Variants in QTMAN observed in about 807,000 individuals in gnomAD.
The protein encoded by QTMAN is tRNA-queuosine alpha-mannosyltransferase.
the QTMAN span, among the ~76,000 whole-genome samples, chr2:143,984,997 T>C: frequency 6.6e-6 from 1 of 152,242 alleles, no homozygotes; most frequent in Non-Finnish European, 1.5e-5. Flanking sequence ...CCTGACTCTC[T>C]ATTGAGCTGG....
the QTMAN span, among the ~76,000 whole-genome samples, chr2:144,261,010 A>G: frequency 6.6e-6 from 1 of 152,310 alleles, no homozygotes; most frequent in Middle Eastern, 3.4e-3. Flanking sequence ...AAAAGGAACC[A>G]TACTTCCCAT....
the QTMAN span, among the ~76,000 whole-genome samples, chr2:144,294,058 T>A: frequency 8.6e-3 from 1,305 of 152,326 alleles, 8 homozygotes; most frequent in Non-Finnish European, 0.013. Flanking sequence ...TCCAAAACCC[T>A]CTGGAAATCT....
chr2:144,106,574 C>T, the QTMAN span, among the ~76,000 whole-genome samples: 1 of 152,170 alleles, frequency 6.6e-6, no homozygotes, highest in Admixed American at 6.5e-5. Context: ...AACATATATG[C>T]ACCCAATACA....
chr2:144,135,791 A>C, the QTMAN span, among the ~76,000 whole-genome samples: 29 of 152,170 alleles, frequency 1.9e-4, no homozygotes, highest in African/African-American at 6.5e-4. Context: ...AAACAGTATT[A>C]AAAAGTATCT....
At chr2:144,303,055 T>C in the QTMAN span, among the ~76,000 whole-genome samples, 1 of 152,062 alleles carries the variant, frequency 6.6e-6, no homozygotes, top group Non-Finnish European at 1.5e-5. Flanking sequence ...TGAGCAGAGA[T>C]CGCACCATTG....
the QTMAN span, among the ~76,000 whole-genome samples, chr2:144,174,796 T>A: frequency 1.3e-5 from 2 of 152,208 alleles, no homozygotes; most frequent in East Asian, 3.8e-4. Context: ...CCTTCCGTCA[T>A]GATTATGTGG....
At chr2:144,297,945 T>C in the QTMAN span, among the ~76,000 whole-genome samples, 1 of 152,010 alleles carries the variant, frequency 6.6e-6, no homozygotes, top group South Asian at 2.1e-4. Flanking sequence ...ATATAGACTG[T>C]ATAGTATACA....
the QTMAN span, among the ~76,000 whole-genome samples, chr2:144,063,912 T>G: frequency 5.3e-5 from 8 of 152,182 alleles, no homozygotes; most frequent in Admixed American, 5.2e-4. Flanking sequence ...ACAGGCCAAG[T>G]GTCATTATTG....
the QTMAN span, among the ~76,000 whole-genome samples, chr2:144,283,921 A>G: frequency 3.0e-4 from 46 of 152,256 alleles, no homozygotes; most frequent in Admixed American, 2.0e-3. Flanking sequence ...ATACTGGGTG[A>G]TGAAATTTCT....
the QTMAN span, among the ~76,000 whole-genome samples, chr2:144,054,173 G>C: frequency 6.6e-6 from 1 of 152,032 alleles, no homozygotes; most frequent in Non-Finnish European, 1.5e-5. Context: ...GGGCGACAGA[G>C]TGAGACTCTG....
At chr2:144,292,474 C>T in the QTMAN span, among the ~76,000 whole-genome samples, 1 of 151,982 alleles carries the variant, frequency 6.6e-6, no homozygotes, top group African/African-American at 2.4e-5. Flanking sequence ...TCTCTTACAC[C>T]ATTTATTCAA....
At chr2:144,240,433 T>G in the QTMAN span, among the ~76,000 whole-genome samples, 1 of 152,204 alleles carries the variant, frequency 6.6e-6, no homozygotes, top group Admixed American at 6.5e-5. Context: ...ACTTATACAC[T>G]TCTGGGTGCA....
At chr2:144,293,062 T>A in the QTMAN span, among the ~76,000 whole-genome samples, 14 of 152,262 alleles carry the variant, frequency 9.2e-5, no homozygotes, top group South Asian at 2.7e-3. Flanking sequence ...TCTTAAATAG[T>A]AAACAGGAGA....
At chr2:144,198,968 A>G in the QTMAN span, among the ~76,000 whole-genome samples, 26 of 151,114 alleles carry the variant, frequency 1.7e-4, no homozygotes, top group Middle Eastern at 3.5e-3. Flanking sequence ...TTTCATCTCT[A>G]TTTACCAAAA....
the QTMAN span, among the ~76,000 whole-genome samples, chr2:144,155,439 T>C: frequency 6.6e-6 from 1 of 152,204 alleles, no homozygotes; most frequent in African/African-American, 2.4e-5. Flanking sequence ...ATATAATTAG[T>C]ATGTGAAATA....
At chr2:144,141,889 C>T in the QTMAN span, 1 of 1,609,528 alleles carries the variant, frequency 6.2e-7, no homozygotes, top group Non-Finnish European at 8.5e-7. Flanking sequence ...GACCTGCTCA[C>T]ATCAGGAAAC....
chr2:144,221,434 A>G, the QTMAN span, among the ~76,000 whole-genome samples: 1,338 of 152,346 alleles, frequency 8.8e-3, 14 homozygotes, highest in African/African-American at 0.03. Context: ...ACACTATTGC[A>G]TGACTGCATG....
the QTMAN span, among the ~76,000 whole-genome samples, chr2:144,060,994 T>TC: frequency 6.7e-6 from 1 of 149,674 alleles, no homozygotes; most frequent in Admixed American, 6.7e-5. Flanking sequence ...CATCATATAA[T>TC]TTTTTTTTTA....
the QTMAN span, among the ~76,000 whole-genome samples, chr2:143,992,097 G>A: frequency 7.2e-5 from 11 of 152,192 alleles, no homozygotes; most frequent in Admixed American, 2.0e-4. Context: ...AGAAAGCGGG[G>A]AAAGGTGGGG....
Sources: gnomAD v4.1 joint callset for allele counts (sites outside exome capture counted in the v4.1 genomes callset) on GRCh38, gnomAD v4.1.1 for gene constraint, MANE v1.5 for transcripts, NCBI Gene and HGNC (gene_info 2026-07-23, HGNC 2026-07-21) for gene names.